The following CENPU variants were observed in gnomAD, a reference collection of about 807,000 sequenced individuals.
CENPU encodes centromere protein U.
CENPU carries 46 observed loss-of-function variants against 56.7 expected under a neutral mutation model. The ratio of observed to expected loss-of-function variants is 0.81; its 90% confidence interval spans 0.64 to 1.04. The LOEUF (loss-of-function observed/expected upper bound fraction) is 1.04, where lower values mean the gene tolerates loss of function less well. Among genes scored for constraint, CENPU ranks in the 50% least tolerant of loss-of-function variants. The pLI is 0.00. For missense variants in CENPU, 510 were observed against 490.1 expected, an observed-to-expected ratio of 1.04 and a Z score of -0.38; for synonymous variants, 166 against 163.0, an observed-to-expected ratio of 1.02 and a Z score of -0.14.
chr4:184,733,384 A>G, intron 1 of CENPU: 4 of 990,884 alleles, frequency 4.0e-6, no homozygotes, highest in South Asian at 4.6e-5. Context: ...CACCGTCTGC[A>G]GCAAGCCGAG....
rs770566473 is a variant in CENPU, at chr4:184,730,934, G to A, written c.82C>T (p.His28Tyr). ...AGGTAACTTACATCTTTCATGGAATGTGTTCTTTCTAAAGTGTTCTTTGAA... is the reference window on the plus strand; with the variant it reads ...AGGTAACTTACATCTTTCATGGAATATGTTCTTTCTAAAGTGTTCTTTGAA... ...RRSKNTLERT[H>Y]SMKDKAGQKC... Residue 28 changes from histidine (H) to tyrosine (Y), a missense_variant, in exon 2 of 13, where the codon CAT becomes TAT. Physicochemically the swap from His to Tyr is moderately conservative, Grantham distance 83 (BLOSUM62 2). Coordinates refer to ENST00000281453, the MANE Select transcript of CENPU (RefSeq NM_024629.4). 1.3e-6 allele frequency: 2 copies of A among 1,581,700 alleles called. No individual in the cohort carries two copies. The highest frequency in any genetic ancestry group is 1.7e-6 in the Non-Finnish European group (2 of 1,170,714).
chr4:184,710,089 T>G lies in CENPU; in HGVS notation c.780A>C (p.Lys260Asn). 6.2e-7 allele frequency: 1 copy of G among 1,608,448 alleles called. No homozygotes were observed. Among genetic ancestry groups the G allele is most frequent in the Non-Finnish European group, 8.5e-7 (1 of 1,176,048 alleles). Residue 260 changes from lysine (K) to asparagine (N), a missense_variant, in exon 8 of 13, where the codon AAA (lysine) becomes AAC (asparagine). Transcript: ENST00000281453. ...AGACTTACTGATGCTCTAGGTGGGTTTTCTCAAATTCAGGCAAAACAATAT... is the reference window on the plus strand; with the variant it reads ...AGACTTACTGATGCTCTAGGTGGGTGTTCTCAAATTCAGGCAAAACAATAT... ...ELNIVLPEFE[K>N]THLEHQQRIE...
chr4:184,702,302 ATGC>A, intron 9 of CENPU, 58 bp downstream of exon 9: 4 of 1,478,496 alleles, frequency 2.7e-6, no homozygotes, highest in Non-Finnish European at 3.8e-6. Flanking sequence ...AGACAACAAT[ATGC>A]TGCTACAGGA....
intron 2 of CENPU, among the ~76,000 whole-genome samples, chr4:184,729,667 A>C (rs1401357): frequency 0.18 from 27,212 of 152,182 alleles, 3,614 homozygotes; most frequent in East Asian, 0.71. Context: ...TGACCTAGGG[A>C]AAGTGATGGG....
At position 184,700,572 on chromosome 4, in the gene CENPU, T is replaced by C. The variant is rs73873084; in HGVS notation, c.986+248A>G. Among the ~76,000 whole-genome samples, 1,105 of 152,310 alleles carry C rather than the reference T, an allele frequency of 7.3e-3. 15 individuals are homozygous for C. The highest frequency in any genetic ancestry group is 0.025 in the African/African-American group (1,048 of 41,578). On this transcript the variant is annotated intron_variant, in intron 11 of 12. Coordinates refer to ENST00000281453, the MANE Select transcript of CENPU (RefSeq NM_024629.4). The stretch of plus-strand genomic sequence containing the variant: ...TAGAATTCAACCCAGGCAGCTGAAT[T>C]CTAGAATCTAGGCATTATATCTCTT...
intron 3 of CENPU, among the ~76,000 whole-genome samples, chr4:184,727,871 A>C (rs1761512650): frequency 6.6e-6 from 1 of 152,214 alleles, no homozygotes; most frequent in African/African-American, 2.4e-5. Context: ...CCTGAAAACT[A>C]AGTAAAAGAA....
chr4:184,722,898 G>C (rs1310880932), intron 4 of CENPU, among the ~76,000 whole-genome samples: 1 of 152,198 alleles, frequency 6.6e-6, no homozygotes, highest in Non-Finnish European at 1.5e-5. Context: ...ACTAGGCTGG[G>C]ATAGCATTTT....
intron 4 of CENPU, among the ~76,000 whole-genome samples, chr4:184,723,234 C>G (rs1338149882): frequency 6.6e-6 from 1 of 152,078 alleles, no homozygotes; most frequent in Admixed American, 6.5e-5. Context: ...GTGAAAAAAC[C>G]TAGGTAGCAA....
chr4:184,721,813 C>A (rs1579788025), intron 4 of CENPU, among the ~76,000 whole-genome samples: 1 of 152,278 alleles, frequency 6.6e-6, no homozygotes, highest in African/African-American at 2.4e-5. Context: ...GACTTCAACA[C>A]CCCACTTTCA....
At chr4:184,696,243 G>A (rs779749920) in intron 12 of CENPU, among the ~76,000 whole-genome samples, 1 of 152,204 alleles carries the variant, frequency 6.6e-6, no homozygotes, top group Non-Finnish European at 1.5e-5. Flanking sequence ...CTGCTCTAGG[G>A]AGGAATAAAG....
At chr4:184,720,000 T>C (rs958200986) in intron 4 of CENPU, among the ~76,000 whole-genome samples, 1 of 152,012 alleles carries the variant, frequency 6.6e-6, no homozygotes, top group South Asian at 2.1e-4. Flanking sequence ...ATCAAGACCA[T>C]CCAGTGAAAC....
intron 8 of CENPU, among the ~76,000 whole-genome samples, chr4:184,705,139 T>C (rs900554359): frequency 6.6e-6 from 1 of 152,186 alleles, no homozygotes; most frequent in African/African-American, 2.4e-5. Flanking sequence ...TTTACAGCAC[T>C]GTGTGTGTTA....
At position 184,697,796 on chromosome 4, in the gene CENPU, G is replaced by C. The variant is rs770944498; in HGVS notation, c.994C>G (p.Pro332Ala). 1 of 1,595,952 alleles carries C rather than the reference G, an allele frequency of 6.3e-7. No homozygotes were observed. Among genetic ancestry groups the C allele is most frequent in the Non-Finnish European group, 8.5e-7 (1 of 1,175,186 alleles). Residue 332 changes from proline to alanine, a missense_variant, in exon 12 of 13, where the codon CCA becomes GCA. Transcript: ENST00000281453. ...TTTGTTTGTAGTTGTTTCAGCTGTG[G>C]CTCTAACCTAAAACAAAAATAAGTG... is the stretch of plus-strand genomic sequence containing the variant. Reference protein sequence around the residue: ...EVQDELLRLEPQLKQLQTKYD... With the variant: ...EVQDELLRLEAQLKQLQTKYD...
intron 8 of CENPU, among the ~76,000 whole-genome samples, chr4:184,707,528 G>A (rs1760768841): frequency 6.6e-6 from 1 of 152,178 alleles, no homozygotes; most frequent in African/African-American, 2.4e-5. Context: ...GGAGAATGAT[G>A]ACCCAGAGTC....
chr4:184,704,086 C>CTT (rs368391994), intron 8 of CENPU, among the ~76,000 whole-genome samples: 1 of 147,316 alleles, frequency 6.8e-6, no homozygotes. Context: ...CATACTTCAT[C>CTT]TTTTTTTTTT....
intron 1 of CENPU, among the ~76,000 whole-genome samples, chr4:184,732,712 A>G (rs2150235111): frequency 6.6e-6 from 1 of 152,296 alleles, no homozygotes; most frequent in African/African-American, 2.4e-5. Flanking sequence ...ACCCACAGGT[A>G]AAATTTCTGG....
chr4:184,708,084 C>T (rs963088608), intron 8 of CENPU, among the ~76,000 whole-genome samples: 1 of 151,694 alleles, frequency 6.6e-6, no homozygotes, highest in African/African-American at 2.4e-5. Flanking sequence ...ATTAGCTGGG[C>T]GTGGTGGCGC....
chr4:184,716,702 T>C, intron 5 of CENPU, 69 bp from the exon 6 acceptor site: 2 of 1,162,812 alleles, frequency 1.7e-6, no homozygotes, highest in Non-Finnish European at 2.5e-6. Flanking sequence ...ACTGTAATAG[T>C]AGAAAACCAT....
chr4:184,716,326 G>T, intron 6 of CENPU, 71 bp downstream of exon 6: 2 of 890,706 alleles, frequency 2.2e-6, no homozygotes, highest in East Asian at 2.4e-5. Flanking sequence ...AAGAGAAAAT[G>T]CTTCATTTTC....
Sources: gnomAD v4.1 joint callset for allele counts (sites outside exome capture counted in the v4.1 genomes callset) on GRCh38, gnomAD v4.1.1 for gene constraint, MANE v1.5 for transcripts, NCBI Gene and HGNC (gene_info 2026-07-23, HGNC 2026-07-21) for gene names.